The following TTC39B variants were observed in gnomAD, a reference collection of about 807,000 sequenced individuals.
TTC39B encodes the protein tetratricopeptide repeat protein 39B.
TTC39B carries 92 observed loss-of-function variants against 96.6 expected under a neutral mutation model. The observed-to-expected ratio is 0.95, with a 90% CI of 0.80 to 1.13. The LOEUF (loss-of-function observed/expected upper bound fraction) is 1.13. TTC39B is among the 50% of genes most tolerant of loss of function. The pLI is 0.00. For synonymous variants in TTC39B, 367 were observed against 299.4 expected (o/e 1.23, Z -2.33); for missense variants, 955 against 809.3 (o/e 1.18, Z -2.18).
At chr9:15,301,450 G>C (rs1824585747) in intron 1 of TTC39B, among the ~76,000 whole-genome samples, 1 of 152,176 alleles carries the variant, frequency 6.6e-6, no homozygotes, top group African/African-American at 2.4e-5. Context: ...AATGAACGTT[G>C]GTGGAATGAA....
chr9:15,254,984 C>G (rs1352469589), intron 2 of TTC39B, among the ~76,000 whole-genome samples: 1 of 151,554 alleles, frequency 6.6e-6, no homozygotes, highest in South Asian at 2.1e-4. Flanking sequence ...ACAGGGGAGA[C>G]CAAATACTAT....
Position 15,240,469 on chromosome 9 carries a change from G to A in TTC39B, c.276-14457C>T, listed in dbSNP as rs562890216. Among the ~76,000 whole-genome samples, 36 of 151,834 alleles carry A rather than the reference G, an allele frequency of 2.4e-4. 1 individual carries two copies. The South Asian group carries it at 6.9e-3, about 29-fold the overall frequency. On this transcript the variant is annotated intron_variant, in intron 2 of 19. Transcript: ENST00000512701. Reference sequence around the variant, plus strand: ...CCTTAGTATTATTTGTAGGGCGTGGGTAATCTTTAGATTCTTTGTACTTTT... The same window carrying A: ...CCTTAGTATTATTTGTAGGGCGTGGATAATCTTTAGATTCTTTGTACTTTT...
At chr9:15,226,822 G>C (rs1403538758) in intron 2 of TTC39B, among the ~76,000 whole-genome samples, 1 of 152,024 alleles carries the variant, frequency 6.6e-6, no homozygotes, top group Non-Finnish European at 1.5e-5. Context: ...TCCAGAAAGA[G>C]TTTAAGAGTA....
intron 1 of TTC39B, among the ~76,000 whole-genome samples, chr9:15,281,234 T>C (rs1435369218): frequency 6.6e-6 from 1 of 152,148 alleles, no homozygotes; most frequent in South Asian, 2.1e-4. Context: ...AAGGTACTTC[T>C]CTAAGATTCT....
intron 2 of TTC39B, among the ~76,000 whole-genome samples, chr9:15,233,493 T>C (rs948843844): frequency 1.3e-5 from 2 of 150,602 alleles, no homozygotes; most frequent in Non-Finnish European, 3.0e-5. Context: ...GTGCCTGCGA[T>C]TGCAGGCGCA....
At chr9:15,250,432 T>A (rs1451528487) in intron 2 of TTC39B, among the ~76,000 whole-genome samples, 1 of 151,944 alleles carries the variant, frequency 6.6e-6, no homozygotes, top group Non-Finnish European at 1.5e-5. Context: ...AAAAGAATGA[T>A]CCCTTTTGTC....
chr9:15,296,422 AC>A (rs1471095458), intron 1 of TTC39B, among the ~76,000 whole-genome samples: 10 of 152,200 alleles, frequency 6.6e-5, no homozygotes, highest in African/African-American at 2.4e-4. Context: ...TGCTTCCTTT[AC>A]CCCAAAAGAA....
chr9:15,190,761 C>A, intron 10 of TTC39B, 99 bp from the exon 11 acceptor site: 1 of 950,786 alleles, frequency 1.1e-6, no homozygotes, highest in Non-Finnish European at 1.6e-6. Flanking sequence ...GTTACAAGTA[C>A]AGATTTCATA....
At chr9:15,292,698 T>A (rs1391206294) in intron 1 of TTC39B, among the ~76,000 whole-genome samples, 1 of 152,170 alleles carries the variant, frequency 6.6e-6, no homozygotes, top group Non-Finnish European at 1.5e-5. Context: ...AATCTGTGTG[T>A]TTATGTCTTA....
chr9:15,212,133 T>C (rs1040403599), intron 4 of TTC39B, among the ~76,000 whole-genome samples: 1 of 152,248 alleles, frequency 6.6e-6, no homozygotes, highest in African/African-American at 2.4e-5. Context: ...AAAATGGTAA[T>C]GCATGGTTTT....
At chr9:15,235,023 C>CAATAAATATATAAATAAATAAATAAATA (rs144388307) in intron 2 of TTC39B, among the ~76,000 whole-genome samples, 8 of 145,052 alleles carry the variant, frequency 5.5e-5, no homozygotes, top group Non-Finnish European at 9.1e-5. Context: ...CAAGAATGAT[C>CAATAAATATATAAATAAATAAATAAATA]AATAAATAAA....
At position 15,226,350 on chromosome 9, in the gene TTC39B, T is replaced by C. The variant is rs184446756; in HGVS notation, c.276-338A>G. Among the ~76,000 whole-genome samples the C allele has an allele frequency of 2.5e-3, 382 of 152,338 alleles. 2 individuals are homozygous for C. Among genetic ancestry groups the C allele is most frequent in the African/African-American group, 8.7e-3 (363 of 41,588 alleles). On this transcript the variant is annotated intron_variant, in intron 2 of 19. Coordinates refer to ENST00000512701, the Ensembl canonical transcript of TTC39B. ...CTATACATATTTTAATAAAACTTTA[T>C]TAAAGATACTTATTATAATGGGTTA...
intron 1 of TTC39B, among the ~76,000 whole-genome samples, chr9:15,280,363 G>C (rs141688372): frequency 1.3e-5 from 2 of 152,272 alleles, no homozygotes; most frequent in Non-Finnish European, 2.9e-5. Flanking sequence ...GTTTGCCTAC[G>C]TTTGCGCAAT....
At chr9:15,166,871 T>A (rs963058627) in exon 20 of TTC39B, 1 of 149,622 alleles carries the variant, frequency 6.7e-6, no homozygotes, top group Non-Finnish European at 1.5e-5. Context: ...AAGAAATATC[T>A]GAAGAGATTT....
intron 13 of TTC39B, 82 bp downstream of exon 13, chr9:15,189,492 G>C: frequency 6.9e-7 from 1 of 1,457,018 alleles, no homozygotes; most frequent in Non-Finnish European, 9.4e-7. Context: ...GTTTACTTTT[G>C]TTGAATAAGT....
chr9:15,272,825 G>C (rs1823405446), intron 1 of TTC39B, among the ~76,000 whole-genome samples: 1 of 152,122 alleles, frequency 6.6e-6, no homozygotes, highest in South Asian at 2.1e-4. Context: ...TCCTCACCTT[G>C]AGCAGTTTCA....
intron 3 of TTC39B, among the ~76,000 whole-genome samples, chr9:15,222,256 T>C (rs1467901939): frequency 6.6e-6 from 1 of 152,182 alleles, no homozygotes; most frequent in Non-Finnish European, 1.5e-5. Context: ...AGCTGGGAAA[T>C]CTGTCCTGCA....
chr9:15,182,325 C>A, exon 17 of TTC39B: 1 of 1,610,320 alleles, frequency 6.2e-7, no homozygotes, highest in Non-Finnish European at 8.5e-7. Flanking sequence ...TGTAAAGCTG[C>A]CTCAGCTTTT....
chr9:15,250,321 C>T, intron 2 of TTC39B: 1 of 584,418 alleles, frequency 1.7e-6, no homozygotes, highest in Non-Finnish European at 2.2e-6. Flanking sequence ...AAGGAACATA[C>T]AAATGGCCTG....
Sources: allele counts gnomAD v4.1 joint callset (sites outside exome capture counted in the v4.1 genomes callset), GRCh38; gene constraint gnomAD v4.1.1; transcripts MANE v1.5; gene names NCBI Gene and HGNC (gene_info 2026-07-23, HGNC 2026-07-21).